CNTN6: variants seen among roughly 807,000 people sequenced by gnomAD.
CNTN6 encodes contactin 6, also known as contactin-6.
A neutral mutation model predicts 122.8 loss-of-function variants in CNTN6; 137 were observed. That is an observed-to-expected ratio of 1.12 (90% CI 0.97 to 1.29). The LOEUF (loss-of-function observed/expected upper bound fraction) is 1.29, where lower values mean the gene tolerates loss of function less well. Among genes scored for constraint, CNTN6 ranks in the 50% most tolerant of loss-of-function variants. CNTN6 has a pLI of 0.00. For synonymous variants in CNTN6, 570 were observed against 426.0 expected (o/e 1.34, Z -4.16); for missense variants, 1,634 against 1,223.4 (o/e 1.34, Z -5.01).
intron 4 of CNTN6, among the ~76,000 whole-genome samples, chr3:1,269,962 A>G (rs1437851454): frequency 6.6e-6 from 1 of 152,190 alleles, no homozygotes; most frequent in Non-Finnish European, 1.5e-5. Flanking sequence ...AGGAGCTCTT[A>G]AAATAACTTC....
chr3:1,236,779 C>T (rs996969994), intron 4 of CNTN6, among the ~76,000 whole-genome samples: 13 of 152,278 alleles, frequency 8.5e-5, no homozygotes, highest in African/African-American at 3.1e-4. Flanking sequence ...AATTATTAAG[C>T]TAATCAAGAA....
intron 10 of CNTN6, among the ~76,000 whole-genome samples, chr3:1,328,192 C>G (rs265773): frequency 0.011 from 1,697 of 151,858 alleles, 35 homozygotes; most frequent in African/African-American, 0.039. Flanking sequence ...ATGTCATTAA[C>G]TAGAGTTCTG....
intron 2 of CNTN6, among the ~76,000 whole-genome samples, chr3:1,202,277 A>T (rs1484088924): frequency 6.6e-6 from 1 of 152,162 alleles, no homozygotes; most frequent in Non-Finnish European, 1.5e-5. Flanking sequence ...GCGGTGGCTC[A>T]CGCCTGTAAT....
At chr3:1,156,335 T>G (rs972089713) in intron 2 of CNTN6, among the ~76,000 whole-genome samples, 8 of 152,228 alleles carry the variant, frequency 5.3e-5, no homozygotes, top group Non-Finnish European at 1.2e-4. Context: ...AAGAATTTTG[T>G]CATTTCCACA....
intron 2 of CNTN6, among the ~76,000 whole-genome samples, chr3:1,167,417 A>G (rs1370671720): frequency 6.6e-6 from 1 of 152,144 alleles, no homozygotes; most frequent in Admixed American, 6.5e-5. Context: ...TCCATATCCA[A>G]TGTATCTTTT....
At chr3:1,231,188 G>A (rs1014791154) in intron 4 of CNTN6, among the ~76,000 whole-genome samples, 3 of 152,120 alleles carry the variant, frequency 2.0e-5, no homozygotes, top group Admixed American at 2.0e-4. Context: ...GGAATCCAAA[G>A]CGAGACAGAG....
At chr3:1,246,377 A>C (rs1414923470) in intron 4 of CNTN6, among the ~76,000 whole-genome samples, 2 of 152,132 alleles carry the variant, frequency 1.3e-5, no homozygotes, top group East Asian at 1.9e-4. Context: ...AGGTAGCTGT[A>C]GTTCATTTTT....
At chr3:1,370,355 TG>T (rs1222827590) in intron 12 of CNTN6, among the ~76,000 whole-genome samples, 1 of 151,894 alleles carries the variant, frequency 6.6e-6, no homozygotes. Context: ...TTGTGGAGTG[TG>T]GGGAGCGGGG....
chr3:1,140,635 C>T (rs2092586981), intron 1 of CNTN6, among the ~76,000 whole-genome samples: 1 of 152,000 alleles, frequency 6.6e-6, no homozygotes, highest in African/African-American at 2.4e-5. Context: ...ACTTCATGGC[C>T]TCAAGCAAAA....
At chr3:1,254,616 T>G (rs2094723274) in intron 4 of CNTN6, among the ~76,000 whole-genome samples, 1 of 152,128 alleles carries the variant, frequency 6.6e-6, no homozygotes, top group South Asian at 2.1e-4. Flanking sequence ...GCCATGAGTC[T>G]ACGAAAGCAG....
intron 1 of CNTN6, among the ~76,000 whole-genome samples, chr3:1,121,661 G>T (rs1011811233): frequency 1.3e-5 from 2 of 151,558 alleles, no homozygotes. Context: ...GATTTTTTTT[G>T]AAACATATAA....
intron 5 of CNTN6, among the ~76,000 whole-genome samples, chr3:1,284,368 G>A (rs769051086): frequency 3.9e-5 from 6 of 152,160 alleles, no homozygotes; most frequent in East Asian, 1.9e-4. Flanking sequence ...TGTTTCTGGC[G>A]TAAATGAAAG....
intron 2 of CNTN6, chr3:1,173,109 T>C: frequency 2.5e-6 from 1 of 406,976 alleles, no homozygotes; most frequent in South Asian, 1.8e-5. Context: ...GGAGATGTTC[T>C]CTCTCTTCTG....
chr3:1,342,344 G>A (rs1181874219), intron 11 of CNTN6, among the ~76,000 whole-genome samples: 3 of 152,078 alleles, frequency 2.0e-5, no homozygotes, highest in Non-Finnish European at 2.9e-5. Flanking sequence ...TGTTCAGGCT[G>A]GTCTCGAACT....
At chr3:1,209,767 T>C (rs1281572291) in intron 2 of CNTN6, among the ~76,000 whole-genome samples, 1 of 152,094 alleles carries the variant, frequency 6.6e-6, no homozygotes, top group East Asian at 1.9e-4. Flanking sequence ...AAAATCAGTA[T>C]CTTTATACCT....
chr3:1,266,118 A>G (rs903106985), intron 4 of CNTN6, among the ~76,000 whole-genome samples: 1 of 151,984 alleles, frequency 6.6e-6, no homozygotes, highest in East Asian at 1.9e-4. Flanking sequence ...TCTCAGGGTT[A>G]CTATCAACAT....
intron 5 of CNTN6, among the ~76,000 whole-genome samples, chr3:1,281,920 T>C (rs1693514927): frequency 6.6e-6 from 1 of 152,128 alleles, no homozygotes; most frequent in African/African-American, 2.4e-5. Flanking sequence ...ACATAAATTA[T>C]ACAAAACTTT....
rs12106729 is a variant in CNTN6 at position 1,158,941 on chromosome 3, C to T, written c.55+10878C>T. Among the ~76,000 whole-genome samples, 160 of 112,422 alleles carry T rather than the reference C, an allele frequency of 1.4e-3. 6 individuals are homozygous for T. The highest frequency in any genetic ancestry group is 4.1e-3 in the African/African-American group (113 of 27,388). The allele number at this position is 112,422 out of a possible 152,430, so 73.8% of individuals were successfully genotyped here. A position where few individuals can be genotyped will look rare whatever the true frequency, so the allele number is the denominator to read the frequency against. The stretch of plus-strand genomic sequence containing the variant: ...ACACATATATATATATACACACACA[C>T]ATATATATATATACACACACACACA... On this transcript the variant is annotated intron_variant, in intron 2 of 22. Transcript: ENST00000446702.
At chr3:1,348,383 T>C (rs1705093751) in intron 11 of CNTN6, among the ~76,000 whole-genome samples, 1 of 151,900 alleles carries the variant, frequency 6.6e-6, no homozygotes, top group African/African-American at 2.4e-5. Context: ...TGTTAAGATA[T>C]CTATGGTTAA....
Sources: allele counts gnomAD v4.1 joint callset (sites outside exome capture counted in the v4.1 genomes callset), GRCh38; gene constraint gnomAD v4.1.1; transcripts MANE v1.5; gene names NCBI Gene and HGNC (gene_info 2026-07-23, HGNC 2026-07-21).